AJM1: variants seen among roughly 807,000 people sequenced by gnomAD.
AJM1 encodes uncharacterized protein C9orf172.
Under a neutral mutation model 43.0 loss-of-function variants are expected in AJM1, and 22 were observed. The ratio of observed to expected loss-of-function variants is 0.51; its 90% CI spans 0.37 to 0.73. The LOEUF is 0.73. AJM1 is among the 30% of genes least tolerant of loss of function. The pLI, the probability that AJM1 is intolerant of heterozygous loss-of-function variation, is 0.00. For synonymous variants in AJM1, 719 were observed against 638.3 expected (o/e 1.13, Z -1.91); for missense variants, 1,305 against 1,343.3 (o/e 0.97, Z 0.45).
In AJM1 at chr9:136,845,654, G is replaced by A; in HGVS notation, c.1240G>A (p.Val414Met). The change falls in exon 3 of 3, where the codon GTG becomes ATG. Residue 414 changes from valine (V) to methionine (M), a missense_variant. Val to Met is a conservative substitution (Grantham distance 21, BLOSUM62 1). Around this residue, in one of 6 missense-constraint regions of AJM1, gnomAD observed 653 missense variants for 549.1 expected, o/e 1.19. Transcript: ENST00000436881. ...WGPRPYRTLQ[V>M]VPPSDPDPLL... ...CCCGCGACCGTACCGCACCCTGCAA[G>A]TGGTGCCGCCCTCTGACCCCGACCC... 1 of 1,577,728 alleles carries A rather than the reference G, an allele frequency of 6.3e-7. No homozygotes were observed. Among genetic ancestry groups the A allele is most frequent in the Non-Finnish European group, 8.6e-7 (1 of 1,169,226 alleles).
Position 136,845,954 on chromosome 9 carries a change from A to G in AJM1, c.1540A>G (p.Thr514Ala). Reference sequence around the variant, plus strand: ...ACTGTCCCTGTCCGAGACGTCGCTGACGGAGAAGGGCCGCGCGGGCGAGGG... The same window carrying G: ...ACTGTCCCTGTCCGAGACGTCGCTGGCGGAGAAGGGCCGCGCGGGCGAGGG... ...AALSLSETSL[T>A]EKGRAGEGLG... The change falls in exon 3 of 3, where the codon ACG (threonine) becomes GCG (alanine). Residue 514 changes from threonine (T) to alanine (A), a missense_variant. Transcript: ENST00000436881. 6.4e-7 allele frequency: 1 copy of G among 1,553,870 alleles called. No individual in the cohort carries two copies. Among genetic ancestry groups the G allele is most frequent in the Non-Finnish European group, 8.7e-7 (1 of 1,150,034 alleles).
At position 136,845,117 on chromosome 9, in the gene AJM1, C is replaced by T. The variant is rs780990690; in HGVS notation, c.703C>T (p.Leu235=). 7 of 1,506,314 alleles carry T rather than the reference C, an allele frequency of 4.6e-6. No individual in the cohort carries two copies. Among genetic ancestry groups the T allele is most frequent in the Non-Finnish European group, 6.4e-6 (7 of 1,101,520 alleles). 93.3% of individuals were successfully genotyped at this position (1,506,314 alleles called of 1,614,324 possible). A position where few individuals can be genotyped will look rare whatever the true frequency, so the allele number is the denominator to read the frequency against. The change falls in exon 3 of 3, where the codon CTG becomes TTG. Residue 235 remains leucine, a synonymous_variant. Transcript: ENST00000436881. The stretch of plus-strand genomic sequence containing the variant: ...GGTGCCCGGGCCCCGCCACATGGCG[C>T]TGTCGCGCACCCCGACGCCCAGCGA... ...LTVPGPRHMA[L]SRTPTPSDSY...
At position 136,848,110 on chromosome 9, in the gene AJM1, CAGGG is replaced by C. The variant is rs750202929; in HGVS notation, c.*769_*772del. On this transcript the variant is annotated 3_prime_UTR_variant, in exon 3 of 3. Transcript: ENST00000436881. ...GCCCTGCAGGAGCTGGGAAAAACCG[CAGGG>C]AGGTCTTCAGGCCGATATGCAAGTC... is the stretch of plus-strand genomic sequence containing the variant. 13 of 152,396 alleles carry C rather than the reference CAGGG, an allele frequency of 8.5e-5. No homozygotes were observed. Among genetic ancestry groups the C allele is most frequent in the Non-Finnish European group, 1.6e-4 (11 of 68,160 alleles). The allele number at this position is 152,396 out of a possible 1,614,324, so 9.4% of individuals were successfully genotyped here.
In AJM1 at chr9:136,846,607, G is replaced by A. The variant is rs575549600; in HGVS notation, c.2193G>A (p.Pro731=). 3.8e-6 allele frequency: 6 copies of A among 1,592,636 alleles called. No homozygotes were observed. In the South Asian group the frequency reaches 6.6e-5, roughly 18 times the overall value. ...HVLQFCRDSG[P]VHRAFSRIAR... ...TGCAGTTTTGCCGCGACAGCGGCCC[G>A]GTGCACCGCGCTTTCTCGCGCATCG... Residue 731 remains proline (P), a synonymous_variant, in exon 3 of 3, where the codon CCG becomes CCA. Transcript: ENST00000436881.
Position 136,847,140 on chromosome 9 carries a change from G to A in AJM1, c.2726G>A (p.Arg909His), listed in dbSNP as rs1459526717. ...FIHIQRELRL[R>H]GVFLRHEFPR... ...CACATCCAGCGCGAGCTGCGGCTGC[G>A]CGGCGTCTTCCTGCGCCACGAGTTC... Residue 909 changes from arginine (R) to histidine (H), a missense_variant, in exon 3 of 3, where the codon CGC (arginine) becomes CAC (histidine). Physicochemically the swap from Arg to His is conservative, Grantham distance 29. Coordinates refer to ENST00000436881, the MANE Select transcript of AJM1 (RefSeq NM_001080482.5). 3 of 1,596,692 alleles carry A rather than the reference G, an allele frequency of 1.9e-6. No individual in the cohort carries two copies. The highest frequency in any genetic ancestry group is 2.5e-6 in the Non-Finnish European group (3 of 1,177,722).
chr9:136,845,573 G>A lies in AJM1; in HGVS notation c.1159G>A (p.Val387Ile). 6.3e-7 allele frequency: 1 copy of A among 1,588,398 alleles called. No homozygotes were observed. The highest frequency in any genetic ancestry group is 1.1e-5 in the South Asian group (1 of 88,476). The change falls in exon 3 of 3, where the codon GTC becomes ATC. Residue 387 changes from valine to isoleucine, a missense_variant. Physicochemically the swap from Val to Ile is conservative, Grantham distance 29. Around this residue, in one of 6 missense-constraint regions of AJM1, gnomAD observed 653 missense variants for 549.1 expected, o/e 1.19. Transcript: ENST00000436881. ...CTTCGGAAGGTACCGCGAGCGTGACGTCCTGGCTCGGACGTACCCGCACCC... is the reference window on the plus strand; with the variant it reads ...CTTCGGAAGGTACCGCGAGCGTGACATCCTGGCTCGGACGTACCCGCACCC... ...EDFGRYRERDVLARTYPHPRS... is the reference protein window; with the variant it reads ...EDFGRYRERDILARTYPHPRS...
chr9:136,848,319 C>T lies in AJM1; in HGVS notation c.*974C>T, dbSNP rs1848809757. ...GAGCTAGTTGGTAAGCGTGGAAGCC[C>T]ACCCGAGGGGGCTTGACCTGTCCCG... On this transcript the variant is annotated 3_prime_UTR_variant, in exon 3 of 3. Transcript: ENST00000436881. The T allele has an allele frequency of 6.6e-6, 1 of 152,324 alleles. No individual in the cohort carries two copies. The highest frequency in any genetic ancestry group is 1.5e-5 in the Non-Finnish European group (1 of 68,110). 9.4% of individuals were successfully genotyped at this position (152,324 alleles called of 1,614,324 possible).
chr9:136,843,316 C>A (rs1233477458), intron 1 of AJM1, among the ~76,000 whole-genome samples: 2 of 152,220 alleles, frequency 1.3e-5, no homozygotes, highest in Non-Finnish European at 2.9e-5. Context: ...GTTGGCAGCC[C>A]ACATCTGAAC....
Position 136,845,605 on chromosome 9 carries a change from C to A in AJM1, c.1191C>A (p.Ser397Arg). 1 of 1,583,478 alleles carries A rather than the reference C, an allele frequency of 6.3e-7. No homozygotes were observed. Among genetic ancestry groups the A allele is most frequent in the South Asian group, 1.1e-5 (1 of 88,318 alleles). Residue 397 changes from serine (S) to arginine (R), a missense_variant, in exon 3 of 3, where the codon AGC (serine) becomes AGA (arginine). Physicochemically the swap from Ser to Arg is moderately radical, Grantham distance 110. Around this residue, in one of 6 missense-constraint regions of AJM1, gnomAD observed 653 missense variants for 549.1 expected, o/e 1.19. Transcript: ENST00000436881. ...CTCGGACGTACCCGCACCCGCGCAG[C>A]AGCCCGGCCTGGGCGGACTGGGGCC... is the stretch of plus-strand genomic sequence containing the variant. ...VLARTYPHPR[S>R]SPAWADWGPR... is the part of the protein sequence containing the mutation.
chr9:136,846,769 G>A lies in AJM1; in HGVS notation c.2355G>A (p.Leu785=), dbSNP rs751899059. The change falls in exon 3 of 3, where the codon CTG becomes CTA. Residue 785 remains leucine (L), a synonymous_variant. Coordinates refer to ENST00000436881, the MANE Select transcript of AJM1 (RefSeq NM_001080482.5). ...LSPTYLSLRE[L]ATHAAPLGSY... ...CCACCTACCTATCGCTGCGTGAGCT[G>A]GCCACACACGCGGCGCCCCTGGGCA... is the stretch of plus-strand genomic sequence containing the variant. 4.4e-6 allele frequency: 7 copies of A among 1,597,030 alleles called. No homozygotes were observed. The African/African-American group carries it at 6.7e-5, about 15-fold the overall frequency.
Position 136,847,200 on chromosome 9 carries a change from AGGCCAACAGGCGCTT to A in AJM1, c.2787_2801del (p.Glu929_Phe934delinsAsp). On this transcript the variant is annotated inframe_deletion, in exon 3 of 3. Coordinates refer to ENST00000436881, the MANE Select transcript of AJM1 (RefSeq NM_001080482.5). ...TACGAGCAGCTTTGCGAGTTCGTCG[AGGCCAACAGGCGCTT>A]CACGCCCACCACCATCTACCCCACG... 6.2e-7 allele frequency: 1 copy of A among 1,605,828 alleles called. No individual in the cohort carries two copies. The highest frequency in any genetic ancestry group is 8.5e-7 in the Non-Finnish European group (1 of 1,178,910).
Position 136,846,843 on chromosome 9 carries a change from A to G in AJM1, c.2429A>G (p.Glu810Gly). The change falls in exon 3 of 3, where the codon GAG (glutamate) becomes GGG (glycine). Residue 810 changes from glutamate to glycine, a missense_variant. Around this residue, in one of 6 missense-constraint regions of AJM1, gnomAD observed 391 missense variants for 507.5 expected, o/e 0.77. Coordinates refer to ENST00000436881, the MANE Select transcript of AJM1 (RefSeq NM_001080482.5). ...AAAGRLYEPA[E>G]CFLLSVSVAV... is the part of the protein sequence containing the mutation. ...GCTGGGCGCCTCTACGAACCGGCAGAGTGCTTCCTGCTCAGCGTGTCCGTG... is the reference window on the plus strand; with the variant it reads ...GCTGGGCGCCTCTACGAACCGGCAGGGTGCTTCCTGCTCAGCGTGTCCGTG... 6.3e-6 allele frequency: 10 copies of G among 1,585,262 alleles called. No individual in the cohort carries two copies. The highest frequency in any genetic ancestry group is 6.0e-6 in the Non-Finnish European group (7 of 1,173,808).
At position 136,847,211 on chromosome 9, in the gene AJM1, C is replaced by G. The variant is rs745746684; in HGVS notation, c.2797C>G (p.Arg933Gly). 1.2e-6 allele frequency: 2 copies of G among 1,606,006 alleles called. No homozygotes were observed. The highest frequency in any genetic ancestry group is 1.7e-5 in the Admixed American group (1 of 59,942). The change falls in exon 3 of 3, where the codon CGC becomes GGC. Residue 933 changes from arginine (R) to glycine (G), a missense_variant. Transcript: ENST00000436881. ...TTGCGAGTTCGTCGAGGCCAACAGG[C>G]GCTTCACGCCCACCACCATCTACCC... The part of the protein sequence containing the change: ...QLCEFVEANR[R>G]FTPTTIYPTD...
chr9:136,845,227 C>T lies in AJM1; in HGVS notation c.813C>T (p.Pro271=), dbSNP rs925322578. ...PRDYAERRSL[P]FTTPPGPTQF... Reference sequence around the variant, plus strand: ...ACTACGCCGAGCGCCGCAGTCTGCCCTTCACCACCCCGCCGGGCCCCACCC... The same window carrying T: ...ACTACGCCGAGCGCCGCAGTCTGCCTTTCACCACCCCGCCGGGCCCCACCC... The change falls in exon 3 of 3, where the codon CCC becomes CCT. Residue 271 remains proline (P), a synonymous_variant. Coordinates refer to ENST00000436881, the MANE Select transcript of AJM1 (RefSeq NM_001080482.5). 92 of 1,595,716 alleles carry T rather than the reference C, an allele frequency of 5.8e-5. No homozygotes were observed. The highest frequency in any genetic ancestry group is 7.0e-5 in the Non-Finnish European group (82 of 1,177,170).
chr9:136,844,279 G>C lies in AJM1; in HGVS notation c.-60G>C. The stretch of plus-strand genomic sequence containing the variant: ...GGGCTGCTCCGCCCGCTGCGCCCCA[G>C]GTAAGCCGGGCCAGCGTGGGGGAGT... On this transcript the variant is annotated splice_region_variant and 5_prime_UTR_variant, in exon 2 of 3. Coordinates refer to ENST00000436881, the MANE Select transcript of AJM1 (RefSeq NM_001080482.5). 1.4e-6 allele frequency: 1 copy of C among 735,594 alleles called. No homozygotes were observed. The highest frequency in any genetic ancestry group is 1.8e-5 in the African/African-American group (1 of 55,368). The allele number at this position is 735,594 out of a possible 1,614,324, so 45.6% of individuals were successfully genotyped here.
Position 136,844,577 on chromosome 9 carries a change from T to C in AJM1, c.163T>C (p.Phe55Leu). Reference protein sequence around the residue: ...FNKRHCRSFDFLEALDGPAME... With the variant: ...FNKRHCRSFDLLEALDGPAME... ...CAAGCGCCACTGCCGCAGCTTCGAC[T>C]TCCTGGAGGCGCTGGACGGGCCGGC... The change falls in exon 3 of 3, where the codon TTC becomes CTC. Residue 55 changes from phenylalanine to leucine, a missense_variant. Phe to Leu is a conservative substitution (Grantham distance 22, BLOSUM62 0). Transcript: ENST00000436881. 2 of 1,597,346 alleles carry C rather than the reference T, an allele frequency of 1.3e-6. No individual in the cohort carries two copies. The highest frequency in any genetic ancestry group is 1.7e-6 in the Non-Finnish European group (2 of 1,173,766).
In AJM1 at chr9:136,846,365, G is replaced by A; in HGVS notation, c.1951G>A (p.Ala651Thr). 1 of 1,433,996 alleles carries A rather than the reference G, an allele frequency of 7.0e-7. No homozygotes were observed. Among genetic ancestry groups the A allele is most frequent in the East Asian group, 2.8e-5 (1 of 35,392 alleles). 88.8% of individuals were successfully genotyped at this position (1,433,996 alleles called of 1,614,324 possible). ...EPAAPGEAAD[A>T]SPEPSADEDD... ...CGCGGCCCCGGGAGAGGCGGCCGAC[G>A]CGTCCCCCGAACCCAGCGCCGACGA... The change falls in exon 3 of 3, where the codon GCG (alanine) becomes ACG (threonine). Residue 651 changes from alanine (A) to threonine (T), a missense_variant. Physicochemically the swap from Ala to Thr is moderately conservative, Grantham distance 58. Transcript: ENST00000436881.
chr9:136,846,710 C>T lies in AJM1; in HGVS notation c.2296C>T (p.Leu766=). 2.5e-6 allele frequency: 4 copies of T among 1,604,796 alleles called. No individual in the cohort carries two copies. Among genetic ancestry groups the T allele is most frequent in the Non-Finnish European group, 3.4e-6 (4 of 1,178,842 alleles). ...AAGTCCAGGCTCGGCCGACAACTTC[C>T]TGCGCTTTGGCCTGGAGGGGCTGCT... ...FPSPGSADNF[L]RFGLEGLLLS... Residue 766 remains leucine (L), a synonymous_variant, in exon 3 of 3, where the codon CTG becomes TTG. Transcript: ENST00000436881.
chr9:136,844,431 C>A lies in AJM1; in HGVS notation c.17C>A (p.Pro6His). The A allele has an allele frequency of 6.2e-7, 1 of 1,611,862 alleles. No homozygotes were observed. MTRTD[P>H]PDLLVSTVYQ... Reference sequence around the variant, plus strand: ...TCTTTTAAGATGACCCGTACGGACCCTCCGGACCTGCTGGTGTCGACCGTG... The same window carrying A: ...TCTTTTAAGATGACCCGTACGGACCATCCGGACCTGCTGGTGTCGACCGTG... Residue 6 changes from proline to histidine, a missense_variant, in exon 3 of 3, where the codon CCT becomes CAT. Pro to His is a moderately conservative substitution (Grantham distance 77). Coordinates refer to ENST00000436881, the MANE Select transcript of AJM1 (RefSeq NM_001080482.5).
Sources: allele counts gnomAD v4.1 joint callset (sites outside exome capture counted in the v4.1 genomes callset), GRCh38; gene constraint gnomAD v4.1.1; regional missense constraint gnomAD v4.1.1; transcripts MANE v1.5; gene names NCBI Gene and HGNC (gene_info 2026-07-23, HGNC 2026-07-21).